BRD10: variants seen among roughly 807,000 people sequenced by gnomAD.
BRD10 encodes the protein bromodomain containing 10, also known as uncharacterized bromodomain-containing protein 10.
At chr9:6,000,030 T>C in the BRD10 span, among the ~76,000 whole-genome samples, 1 of 152,174 alleles carries the variant, frequency 6.6e-6, no homozygotes, top group Non-Finnish European at 1.5e-5. Context: ...AAATACATTT[T>C]TAATATAAAA....
chr9:6,005,353 A>G, the BRD10 span, among the ~76,000 whole-genome samples: 540 of 151,410 alleles, frequency 3.6e-3, 3 homozygotes, highest in African/African-American at 0.013. Flanking sequence ...TCTACCAAAA[A>G]TACGAAGATT....
chr9:6,005,981 G>C, the BRD10 span, among the ~76,000 whole-genome samples: 446 of 152,296 alleles, frequency 2.9e-3, 2 homozygotes, highest in Non-Finnish European at 4.6e-3. Context: ...CGTTAGTCTT[G>C]AAAATGGCAT....
chr9:5,947,324 A>G, the BRD10 span, among the ~76,000 whole-genome samples: 2 of 152,120 alleles, frequency 1.3e-5, no homozygotes, highest in Non-Finnish European at 2.9e-5. Context: ...TTGCCTGCAA[A>G]TAACATTTTT....
At chr9:5,970,939 C>T in the BRD10 span, among the ~76,000 whole-genome samples, 1 of 150,598 alleles carries the variant, frequency 6.6e-6, no homozygotes, top group Admixed American at 6.7e-5. Flanking sequence ...ATAATCCCAG[C>T]TACTAGGGAG....
chr9:5,940,077 T>G, the BRD10 span, among the ~76,000 whole-genome samples: 2 of 152,198 alleles, frequency 1.3e-5, no homozygotes, highest in African/African-American at 2.4e-5. Context: ...TTTACCTTAT[T>G]TTAAGAACAT....
chr9:5,924,168 A>G, the BRD10 span, among the ~76,000 whole-genome samples: 1 of 152,238 alleles, frequency 6.6e-6, no homozygotes, highest in Non-Finnish European at 1.5e-5. Context: ...AGCATGAACC[A>G]ATTTCAAAGG....
At chr9:5,977,833 TC>T in the BRD10 span, among the ~76,000 whole-genome samples, 8 of 151,648 alleles carry the variant, frequency 5.3e-5, no homozygotes, top group Non-Finnish European at 8.8e-5. Context: ...AGACTCCGTC[TC>T]AAAAAAGAAA....
the BRD10 span, among the ~76,000 whole-genome samples, chr9:6,006,302 G>A: frequency 6.6e-6 from 1 of 152,180 alleles, no homozygotes; most frequent in Admixed American, 6.5e-5. Flanking sequence ...GGCCAAAAAG[G>A]TTAAGTGACT....
chr9:5,940,469 A>G, the BRD10 span, among the ~76,000 whole-genome samples: 12 of 152,218 alleles, frequency 7.9e-5, no homozygotes, highest in African/African-American at 2.9e-4. Flanking sequence ...CTGGGATTAC[A>G]GGCGTGAGCC....
chr9:5,890,916 A>G, the BRD10 span: 1 of 152,238 alleles, frequency 6.6e-6, no homozygotes, highest in Non-Finnish European at 1.5e-5. Context: ...GCCAGCAGAC[A>G]GAGGACTCTC....
chr9:5,942,214 T>C, the BRD10 span, among the ~76,000 whole-genome samples: 1 of 152,030 alleles, frequency 6.6e-6, no homozygotes, highest in South Asian at 2.1e-4. Flanking sequence ...TATAACAATA[T>C]AACAATATTG....
the BRD10 span, chr9:5,898,907 G>T: frequency 4.6e-5 from 7 of 152,154 alleles, no homozygotes; most frequent in Non-Finnish European, 1.0e-4. Context: ...TTCTTAGATG[G>T]CCAAAGGTTT....
At chr9:5,994,185 T>C in the BRD10 span, among the ~76,000 whole-genome samples, 2 of 152,160 alleles carry the variant, frequency 1.3e-5, no homozygotes, top group African/African-American at 4.8e-5. Flanking sequence ...GTTAAAAAAT[T>C]TTTTAAATAT....
At chr9:5,891,083 A>T in the BRD10 span, 1 of 152,174 alleles carries the variant, frequency 6.6e-6, no homozygotes, top group Non-Finnish European at 1.5e-5. Flanking sequence ...GTCAGTCTCC[A>T]ACCTCAGAGG....
At chr9:5,923,889 C>G in the BRD10 span, among the ~76,000 whole-genome samples, 11 of 152,198 alleles carry the variant, frequency 7.2e-5, no homozygotes, top group Non-Finnish European at 1.6e-4. Flanking sequence ...TTTCTAACCA[C>G]TCTGTTGCCC....
chr9:5,922,144 T>G, the BRD10 span: 5 of 1,614,002 alleles, frequency 3.1e-6, no homozygotes, highest in Non-Finnish European at 4.2e-6. Context: ...TCCCACCTCG[T>G]GTCCTAACAA....
chr9:5,917,468 C>A, the BRD10 span, among the ~76,000 whole-genome samples: 1 of 152,186 alleles, frequency 6.6e-6, no homozygotes, highest in Non-Finnish European at 1.5e-5. Flanking sequence ...TAAGTGGGGA[C>A]TTCAGTACGA....
the BRD10 span, among the ~76,000 whole-genome samples, chr9:5,941,137 A>G: frequency 6.6e-6 from 1 of 152,150 alleles, no homozygotes; most frequent in Non-Finnish European, 1.5e-5. Flanking sequence ...AAAAACTTAG[A>G]AATATAAGTT....
At chr9:5,997,063 T>C in the BRD10 span, among the ~76,000 whole-genome samples, 1 of 152,180 alleles carries the variant, frequency 6.6e-6, no homozygotes, top group Non-Finnish European at 1.5e-5. Context: ...TTAGGACACT[T>C]TCAGATTCAG....
Sources: allele counts gnomAD v4.1 joint callset (sites outside exome capture counted in the v4.1 genomes callset), GRCh38; gene constraint gnomAD v4.1.1; transcripts MANE v1.5; gene names NCBI Gene and HGNC (gene_info 2026-07-23, HGNC 2026-07-21).